Variants in DAB1 observed in about 807,000 individuals in gnomAD.
DAB1 encodes the protein DAB adaptor protein 1.
In DAB1, 15 loss-of-function variants were observed where a neutral mutation model predicts 64.6. The observed-to-expected ratio is 0.23, with a 90% CI of 0.16 to 0.36. DAB1 has a LOEUF of 0.36. Among genes scored for constraint, DAB1 ranks in the 10% least tolerant of loss-of-function variants. The pLI, the probability that DAB1 is intolerant of heterozygous loss-of-function variation, is 1.00. For synonymous variants in DAB1, 235 were observed against 251.9 expected, an observed-to-expected ratio of 0.93 and a Z score of 0.64; for missense variants, 596 against 706.7, an observed-to-expected ratio of 0.84 and a Z score of 1.78.
chr1:57,053,710 C>T (rs56378159), intron 9 of DAB1, among the ~76,000 whole-genome samples: 6,516 of 77,276 alleles, frequency 0.084, 220 homozygotes, highest in African/African-American at 0.14. Flanking sequence ...TTTTTTGAGA[C>T]GGAGTCTCAC....
rs185288407 is a variant in DAB1 at position 57,929,192 on chromosome 1, T to G, written n.388-45030A>C. Among the ~76,000 whole-genome samples, 95 of 152,368 alleles carry G rather than the reference T, an allele frequency of 6.2e-4. 2 individuals carry two copies. The highest frequency in any genetic ancestry group is 2.3e-3 in the African/African-American group (95 of 41,594). ...TTGTATTCTCCTTTGTTATACAATG[T>G]GGACCATCTTTACATATGTGTATTT... is the stretch of plus-strand genomic sequence containing the variant. On this transcript the variant is annotated intron_variant and non_coding_transcript_variant, in intron 5 of 20. Transcript: ENST00000485760.
At chr1:57,053,688 A>ATATTTTTTT (rs1447741565) in intron 9 of DAB1, among the ~76,000 whole-genome samples, 1 of 71,420 alleles carries the variant, frequency 1.4e-5, no homozygotes. Context: ...ATATATATAT[A>ATATTTTTTT]TTTTTTTTTT....
intron 5 of DAB1, among the ~76,000 whole-genome samples, chr1:58,135,381 A>C (rs577272732): frequency 8.5e-5 from 13 of 152,066 alleles, no homozygotes; most frequent in Non-Finnish European, 1.6e-4. Flanking sequence ...AAATGGGGAG[A>C]TTTCTTTACT....
chr1:57,520,854 T>C (rs1277649141), intron 7 of DAB1, among the ~76,000 whole-genome samples: 1 of 151,980 alleles, frequency 6.6e-6, no homozygotes, highest in Non-Finnish European at 1.5e-5. Context: ...GAGCAGGTCC[T>C]TGAGCTAAGT....
Position 57,974,842 on chromosome 1 carries a change from A to G in DAB1, n.388-90680T>C, listed in dbSNP as rs138243316. Among the ~76,000 whole-genome samples, 416 of 152,340 alleles carry G rather than the reference A, an allele frequency of 2.7e-3. 11 individuals are homozygous for G. Among genetic ancestry groups the G allele is most frequent in the Admixed American group, 0.021 (320 of 15,282 alleles). On this transcript the variant is annotated intron_variant and non_coding_transcript_variant, in intron 5 of 20. Transcript: ENST00000485760. ...ATTATTATCCATAATATATAGATAT[A>G]TAGTAATCCATATATATAGTAATTC...
intron 7 of DAB1, among the ~76,000 whole-genome samples, chr1:57,564,597 C>A (rs544615725): frequency 6.6e-6 from 1 of 152,230 alleles, no homozygotes; most frequent in African/African-American, 2.4e-5. Flanking sequence ...AATGACCTGA[C>A]GGAGCTGAAA....
intron 3 of DAB1, among the ~76,000 whole-genome samples, chr1:58,349,035 G>A (rs1644026940): frequency 6.6e-6 from 1 of 152,188 alleles, no homozygotes; most frequent in Non-Finnish European, 1.5e-5. Context: ...TCCGCCTGCT[G>A]TCCCATCCCC....
chr1:57,511,782 C>T (rs1170028760), intron 7 of DAB1, among the ~76,000 whole-genome samples: 3 of 152,064 alleles, frequency 2.0e-5, no homozygotes, highest in Non-Finnish European at 4.4e-5. Context: ...CTTTCTTTTC[C>T]ATATATTTAT....
At chr1:57,113,437 T>A (rs932215931) in intron 4 of DAB1, among the ~76,000 whole-genome samples, 2 of 152,252 alleles carry the variant, frequency 1.3e-5, no homozygotes, top group Admixed American at 6.5e-5. Context: ...AGATTAGGGG[T>A]TGGCAGACTT....
chr1:58,080,531 C>T (rs903150245), intron 5 of DAB1, among the ~76,000 whole-genome samples: 3 of 152,214 alleles, frequency 2.0e-5, no homozygotes, highest in African/African-American at 7.2e-5. Context: ...GCAATGTCTG[C>T]CATTCTCAAT....
At chr1:57,109,609 T>C (rs184496924) in intron 4 of DAB1, among the ~76,000 whole-genome samples, 1 of 152,184 alleles carries the variant, frequency 6.6e-6, no homozygotes, top group Non-Finnish European at 1.5e-5. Context: ...ATTTTATGAA[T>C]ATAGTTTGTA....
chr1:58,528,676 T>C (rs994088433), intron 1 of DAB1, among the ~76,000 whole-genome samples: 3 of 152,192 alleles, frequency 2.0e-5, no homozygotes, highest in African/African-American at 7.2e-5. Context: ...TGAGTAGTGC[T>C]GAGATTGAGA....
chr1:57,138,967 C>G (rs983083064), intron 3 of DAB1, among the ~76,000 whole-genome samples: 1 of 152,128 alleles, frequency 6.6e-6, no homozygotes, highest in Non-Finnish European at 1.5e-5. Flanking sequence ...AAAGCAGGAA[C>G]TCAAAGAGAA....
At chr1:57,688,354 A>G (rs1275939651) in intron 6 of DAB1, among the ~76,000 whole-genome samples, 1 of 152,134 alleles carries the variant, frequency 6.6e-6, no homozygotes, top group Non-Finnish European at 1.5e-5. Context: ...GCAAATCAAA[A>G]CCGGATTGAG....
At chr1:57,788,638 G>A (rs1245731649) in intron 6 of DAB1, among the ~76,000 whole-genome samples, 1 of 152,124 alleles carries the variant, frequency 6.6e-6, no homozygotes, top group Admixed American at 6.5e-5. Context: ...ACTCAGGATG[G>A]ACTCTAGAGT....
intron 1 of DAB1, among the ~76,000 whole-genome samples, chr1:57,827,393 C>T (rs1652398241): frequency 6.6e-6 from 1 of 152,172 alleles, no homozygotes; most frequent in South Asian, 2.1e-4. Flanking sequence ...GCTTTGCAGT[C>T]AACATTCCTT....
At chr1:57,334,109 G>A (rs1018809810) in intron 1 of DAB1, among the ~76,000 whole-genome samples, 1 of 152,212 alleles carries the variant, frequency 6.6e-6, no homozygotes, top group Non-Finnish European at 1.5e-5. Flanking sequence ...CAGTCTCAAT[G>A]CGTATAAGTG....
chr1:58,489,684 G>A (rs2100370911), intron 3 of DAB1, among the ~76,000 whole-genome samples: 1 of 152,290 alleles, frequency 6.6e-6, no homozygotes, highest in African/African-American at 2.4e-5. Flanking sequence ...TAACTGGGAG[G>A]CACCCCCCAG....
intron 3 of DAB1, among the ~76,000 whole-genome samples, chr1:58,466,735 C>G (rs1383108735): frequency 6.6e-6 from 1 of 152,164 alleles, no homozygotes; most frequent in African/African-American, 2.4e-5. Flanking sequence ...GAAGCCTTGA[C>G]ATTCTACACG....
Sources: gnomAD v4.1 joint callset for allele counts (sites outside exome capture counted in the v4.1 genomes callset) on GRCh38, gnomAD v4.1.1 for gene constraint, MANE v1.5 for transcripts, NCBI Gene and HGNC (gene_info 2026-07-23, HGNC 2026-07-21) for gene names.